The following PTPRJ variants were observed in gnomAD, a reference collection of about 807,000 sequenced individuals.
PTPRJ encodes the protein protein tyrosine phosphatase receptor type J.
Under a neutral mutation model 141.3 loss-of-function variants are expected in PTPRJ, and 129 were observed. The observed-to-expected ratio is 0.91, with a 90% confidence interval of 0.79 to 1.06. The LOEUF (loss-of-function observed/expected upper bound fraction) is 1.06, where lower values mean the gene tolerates loss of function less well. Ranked by LOEUF, PTPRJ falls within the 50% of genes least tolerant of loss-of-function variation. The pLI is 0.00. For synonymous variants in PTPRJ, 610 were observed against 640.5 expected (o/e 0.95, Z 0.72); for missense variants, 1,601 against 1,679.7 (o/e 0.95, Z 0.82).
chr11:48,166,677 T>C (rs1857925601), intron 24 of PTPRJ, among the ~76,000 whole-genome samples: 1 of 152,196 alleles, frequency 6.6e-6, no homozygotes, highest in Non-Finnish European at 1.5e-5. Flanking sequence ...ATATCATGGA[T>C]ATTTTTCTGT....
chr11:48,099,927 C>T (rs937523156), intron 1 of PTPRJ, among the ~76,000 whole-genome samples: 8 of 152,116 alleles, frequency 5.3e-5, no homozygotes, highest in Admixed American at 4.6e-4. Flanking sequence ...CTGTTGTAGG[C>T]GGGAGACTGT....
At chr11:48,136,377 T>C in intron 9 of PTPRJ, 81 bp downstream of exon 9, 2 of 1,514,644 alleles carry the variant, frequency 1.3e-6, no homozygotes, top group South Asian at 1.2e-5. Context: ...TGATGGCCAG[T>C]GTGCTTCTGG....
intron 1 of PTPRJ, 140 bp downstream of exon 1, chr11:47,981,148 T>G (rs960946890): frequency 1.1e-6 from 1 of 892,514 alleles, no homozygotes. Context: ...GGAAGGCGAC[T>G]TGCGGGGACC....
chr11:48,119,362 TC>T (rs1041794912), intron 3 of PTPRJ, among the ~76,000 whole-genome samples: 1 of 152,160 alleles, frequency 6.6e-6, no homozygotes, highest in African/African-American at 2.4e-5. Flanking sequence ...CCCTGCTTGT[TC>T]CATTTTCCTT....
intron 19 of PTPRJ, among the ~76,000 whole-genome samples, chr11:48,154,328 C>A (rs989484736): frequency 6.6e-6 from 1 of 152,220 alleles, no homozygotes; most frequent in Non-Finnish European, 1.5e-5. Context: ...GGGAGTCACA[C>A]TCTCTGTGTC....
At chr11:48,076,041 G>A (rs1160149669) in intron 1 of PTPRJ, among the ~76,000 whole-genome samples, 1 of 152,110 alleles carries the variant, frequency 6.6e-6, no homozygotes, top group Non-Finnish European at 1.5e-5. Context: ...ACCCCAGCCA[G>A]GTATACTTTC....
chr11:48,019,086 G>A (rs1443880187), intron 1 of PTPRJ, among the ~76,000 whole-genome samples: 1 of 152,158 alleles, frequency 6.6e-6, no homozygotes, highest in Admixed American at 6.5e-5. Flanking sequence ...GCTGGGGTAA[G>A]TGGAGTGAGC....
At chr11:47,996,406 C>A in intron 1 of PTPRJ, among the ~76,000 whole-genome samples, 1 of 151,640 alleles carries the variant, frequency 6.6e-6, no homozygotes, top group East Asian at 1.9e-4. Flanking sequence ...AAGCATGTGT[C>A]CAGTTCCATG....
At chr11:48,065,541 A>C (rs1216420899) in intron 1 of PTPRJ, among the ~76,000 whole-genome samples, 1 of 152,202 alleles carries the variant, frequency 6.6e-6, no homozygotes, top group African/African-American at 2.4e-5. Context: ...ATCCTCTGTT[A>C]GATTAAAAAA....
intron 2 of PTPRJ, among the ~76,000 whole-genome samples, chr11:48,111,280 C>CAAAAAAAAAA (rs10554961): frequency 4.5e-5 from 3 of 67,242 alleles, no homozygotes; most frequent in Non-Finnish European, 5.2e-5. Flanking sequence ...AACTCCATCT[C>CAAAAAAAAAA]AAAAAAAAAA....
At chr11:48,118,595 C>T (rs1419577121) in intron 3 of PTPRJ, among the ~76,000 whole-genome samples, 1 of 152,182 alleles carries the variant, frequency 6.6e-6, no homozygotes, top group Non-Finnish European at 1.5e-5. Flanking sequence ...TTAAAGAGAT[C>T]ATTCACCATG....
chr11:48,106,763 C>CT (rs35643138), intron 1 of PTPRJ, among the ~76,000 whole-genome samples: 3,378 of 86,314 alleles, frequency 0.039, 245 homozygotes, highest in African/African-American at 0.12. Flanking sequence ...TTCTTTCTTT[C>CT]TTTTTTTTTT....
intron 2 of PTPRJ, 43 bp from the exon 3 acceptor site, chr11:48,112,704 G>C: frequency 6.9e-7 from 1 of 1,452,160 alleles, no homozygotes; most frequent in Non-Finnish European, 9.7e-7. Context: ...CTGTCTCCTG[G>C]AGAAATATAT....
chr11:48,151,754 A>G (rs1172940796), intron 18 of PTPRJ, among the ~76,000 whole-genome samples: 5 of 152,048 alleles, frequency 3.3e-5, no homozygotes, highest in Non-Finnish European at 2.9e-5. Flanking sequence ...AGCTTCATCC[A>G]TGTCCCTACA....
chr11:48,162,307 A>G (rs1473169361), intron 22 of PTPRJ, among the ~76,000 whole-genome samples: 1 of 151,494 alleles, frequency 6.6e-6, no homozygotes, highest in Non-Finnish European at 1.5e-5. Context: ...AATACTAAGT[A>G]TAACCCTCCT....
intron 1 of PTPRJ, among the ~76,000 whole-genome samples, chr11:48,061,995 C>G (rs538366837): frequency 4.0e-5 from 6 of 151,280 alleles, no homozygotes; most frequent in Non-Finnish European, 8.8e-5. Context: ...TGGCTCAGCC[C>G]TTGGGCTCAA....
chr11:48,146,849 A>G, intron 14 of PTPRJ, 27 bp from the exon 15 acceptor site: 1 of 1,597,406 alleles, frequency 6.3e-7, no homozygotes, highest in Non-Finnish European at 8.6e-7. Flanking sequence ...CACCTCTTGA[A>G]GTGTCTCCCA....
Position 48,125,009 on chromosome 11 carries a change from G to A in PTPRJ, c.916G>A (p.Ala306Thr), listed in dbSNP as rs899427743. 9.9e-6 allele frequency: 16 copies of A among 1,613,922 alleles called. No homozygotes were observed. The highest frequency in any genetic ancestry group is 1.6e-4 in the Middle Eastern group (1 of 6,080). Residue 306 changes from alanine to threonine, a missense_variant, in exon 6 of 25, where the codon GCC becomes ACC. By Grantham distance (58) the Ala-to-Thr change is moderately conservative (BLOSUM62 0). Coordinates refer to ENST00000418331, the MANE Select transcript of PTPRJ (RefSeq NM_002843.4). Reference protein sequence around the residue: ...TERSRAGSPTAPVHDESLVGP... With the variant: ...TERSRAGSPTTPVHDESLVGP... ...GAGAAGCCGGGCAGGGAGCCCCACC[G>A]CCCCTGTGCATGATGAGTCCCTCGT...
intron 1 of PTPRJ, among the ~76,000 whole-genome samples, chr11:47,989,024 C>T (rs1201822875): frequency 6.7e-6 from 1 of 150,364 alleles, no homozygotes; most frequent in Non-Finnish European, 1.5e-5. Context: ...GCTGGGACTA[C>T]AGGCGCCCGC....
Sources: gnomAD v4.1 joint callset for allele counts (sites outside exome capture counted in the v4.1 genomes callset) on GRCh38, gnomAD v4.1.1 for gene constraint, MANE v1.5 for transcripts, NCBI Gene and HGNC (gene_info 2026-07-23, HGNC 2026-07-21) for gene names.